Variants in DHTKD1 observed in about 807,000 individuals in gnomAD.
The protein encoded by DHTKD1 is 2-oxoadipate dehydrogenase complex component E1.
A neutral mutation model predicts 101.8 loss-of-function variants in DHTKD1; 78 were observed. The observed-to-expected ratio is 0.77, with a 90% CI of 0.64 to 0.93. The LOEUF (loss-of-function observed/expected upper bound fraction) is 0.93. Among genes scored for constraint, DHTKD1 ranks in the 40% least tolerant of loss-of-function variants. The pLI is 0.00. For missense variants in DHTKD1, 1,223 were observed against 1,161.7 expected, an observed-to-expected ratio of 1.05 and a Z score of -0.77; for synonymous variants, 462 against 450.3, an observed-to-expected ratio of 1.03 and a Z score of -0.33.
chr10:12,080,726 AAAG>A (rs1422738885), intron 1 of DHTKD1, among the ~76,000 whole-genome samples: 1 of 151,820 alleles, frequency 6.6e-6, no homozygotes, highest in African/African-American at 2.4e-5. Flanking sequence ...AAAAAAAAGA[AAAG>A]AAGAAAAAGA....
intron 1 of DHTKD1, among the ~76,000 whole-genome samples, chr10:12,071,780 G>A (rs1382749483): frequency 1.3e-5 from 2 of 152,068 alleles, no homozygotes; most frequent in East Asian, 3.9e-4. Flanking sequence ...TGCTTGCCTC[G>A]GCCCCCTAAA....
At position 12,103,518 on chromosome 10, in the gene DHTKD1, TGTGTG is replaced by T; in HGVS notation, c.1896+2338_1896+2342del. The stretch of plus-strand genomic sequence containing the variant: ...GTGTGTGTGTGTGTGTGTGTGTGTG[TGTGTG>T]TGTGTATGTATGTGACAGGTCCTCC... On this transcript the variant is annotated intron_variant, in intron 10 of 16. Transcript: ENST00000263035. The surrounding 1 kb of genome is among the most constrained non-coding windows in gnomAD (Gnocchi z 4.8). Among the ~76,000 whole-genome samples, 1 of 151,830 alleles carries T rather than the reference TGTGTG, an allele frequency of 6.6e-6. No homozygotes were observed. Among genetic ancestry groups the T allele is most frequent in the South Asian group, 2.1e-4 (1 of 4,798 alleles).
At position 12,100,202 on chromosome 10, in the gene DHTKD1, G is replaced by A. The variant is rs761966951; in HGVS notation, c.1696G>A (p.Gly566Arg). 7 of 1,595,502 alleles carry A rather than the reference G, an allele frequency of 4.4e-6. No individual in the cohort carries two copies. Among genetic ancestry groups the A allele is most frequent in the African/African-American group, 4.1e-5 (3 of 73,944 alleles). ...GTCCAGAATGGAGAAGATGATGGAC[G>A]GAATCAAGCTAGACTGGGCCACCGC... The part of the protein sequence containing the change: ...VQSRMEKMMD[G>R]IKLDWATAEA... Residue 566 changes from glycine to arginine, a missense_variant, in exon 9 of 17, where the codon GGA becomes AGA. Gly to Arg is a moderately radical substitution (Grantham distance 125, BLOSUM62 -2). Coordinates refer to ENST00000263035, the MANE Select transcript of DHTKD1 (RefSeq NM_018706.7).
At position 12,101,098 on chromosome 10, in the gene DHTKD1, C is replaced by G. The variant is rs201356317; in HGVS notation, c.1813C>G (p.His605Asp). 1 of 1,614,052 alleles carries G rather than the reference C, an allele frequency of 6.2e-7. No homozygotes were observed. Among genetic ancestry groups the G allele is most frequent in the East Asian group, 2.2e-5 (1 of 44,888 alleles). Residue 605 changes from histidine (H) to aspartate (D), a missense_variant, in exon 10 of 17, where the codon CAT (histidine) becomes GAT (aspartate). Transcript: ENST00000263035. ...TGGTCGTGGAACTTTCAGTCAGAGG[C>G]ATGCAATCGTGGTTTGCCAGGAGAC... is the stretch of plus-strand genomic sequence containing the variant. Reference protein sequence around the residue: ...DVGRGTFSQRHAIVVCQETDD... With the variant: ...DVGRGTFSQRDAIVVCQETDD...
At position 12,070,613 on chromosome 10, in the gene DHTKD1, C is replaced by T. The variant is rs144319946; in HGVS notation, c.154+1426C>T. Among the ~76,000 whole-genome samples, 250 of 152,222 alleles carry T rather than the reference C, an allele frequency of 1.6e-3. 2 individuals carry two copies. The highest frequency in any genetic ancestry group is 0.013 in the East Asian group (70 of 5,188). On this transcript the variant is annotated intron_variant, in intron 1 of 16. Coordinates refer to ENST00000263035, the MANE Select transcript of DHTKD1 (RefSeq NM_018706.7). ...AAGCGATTGTCCTGCCCCAGTGTTC[C>T]GAGTAGCTGGGATTACAGGCACCTG...
At chr10:12,102,081 T>C (rs920508327) in intron 10 of DHTKD1, among the ~76,000 whole-genome samples, 1 of 152,162 alleles carries the variant, frequency 6.6e-6, no homozygotes, top group Non-Finnish European at 1.5e-5. Flanking sequence ...TCTTTCCTAC[T>C]CTAGCCATTA....
At chr10:12,077,851 G>C (rs749834833) in intron 1 of DHTKD1, among the ~76,000 whole-genome samples, 1 of 151,880 alleles carries the variant, frequency 6.6e-6, no homozygotes, top group Non-Finnish European at 1.5e-5. Context: ...GAAACAGAGT[G>C]CCAGAGGTCT....
intron 1 of DHTKD1, among the ~76,000 whole-genome samples, chr10:12,079,978 A>G (rs982311548): frequency 6.6e-6 from 1 of 152,082 alleles, no homozygotes; most frequent in Non-Finnish European, 1.5e-5. Flanking sequence ...TAAACCTGCT[A>G]CAAGTAAAGA....
chr10:12,069,149 A>T lies in DHTKD1; in HGVS notation c.116A>T (p.Glu39Val). The T allele has an allele frequency of 4.5e-6, 7 of 1,572,670 alleles. No individual in the cohort carries two copies. The highest frequency in any genetic ancestry group is 6.0e-6 in the Non-Finnish European group (7 of 1,161,202). The stretch of plus-strand genomic sequence containing the variant: ...TACGGCTACCGGCCGAGGAAGCCCG[A>T]GAGCCGCGAGCCCCAGGGCGCCCTG... ...GVYGYRPRKPESREPQGALER... is the reference protein window; with the variant it reads ...GVYGYRPRKPVSREPQGALER... Residue 39 changes from glutamate (E) to valine (V), a missense_variant, in exon 1 of 17, where the codon GAG becomes GTG. By Grantham distance (121) the Glu-to-Val change is moderately radical. Transcript: ENST00000263035.
intron 2 of DHTKD1, among the ~76,000 whole-genome samples, chr10:12,084,220 C>A (rs1434592605): frequency 6.6e-6 from 1 of 151,988 alleles, no homozygotes; most frequent in Non-Finnish European, 1.5e-5. Context: ...CGGCACCCGG[C>A]CAATAATGAC....
At chr10:12,069,237 C>A in intron 1 of DHTKD1, 50 bp downstream of exon 1, 1 of 1,464,186 alleles carries the variant, frequency 6.8e-7, no homozygotes, top group Non-Finnish European at 9.0e-7. Context: ...ACGCAGAAGC[C>A]TCCCCTGGCC....
At chr10:12,082,570 G>A (rs562267820) in intron 2 of DHTKD1, among the ~76,000 whole-genome samples, 9 of 151,878 alleles carry the variant, frequency 5.9e-5, no homozygotes, top group African/African-American at 1.9e-4. Context: ...CTTAGGGTTC[G>A]GGGGGTTACC....
At chr10:12,069,336 G>C in intron 1 of DHTKD1, 149 bp downstream of exon 1, 1 of 713,962 alleles carries the variant, frequency 1.4e-6, no homozygotes, top group Admixed American at 3.0e-5. Flanking sequence ...GGGGAGCAGA[G>C]GGTAGGTGTG....
rs192311603 is a variant in DHTKD1, at chr10:12,113,075, G to A, written c.2319+11G>A. On this transcript the variant is annotated intron_variant, in intron 13 of 16. Transcript: ENST00000263035. ...TTACTCAGGCTCCCGGTAAGCAGAAGGTGGTGAATAAGCCTTCCTCCTTTT... is the reference window on the plus strand; with the variant it reads ...TTACTCAGGCTCCCGGTAAGCAGAAAGTGGTGAATAAGCCTTCCTCCTTTT... 1.9e-5 allele frequency: 30 copies of A among 1,592,488 alleles called. No individual in the cohort carries two copies. The highest frequency in any genetic ancestry group is 2.4e-5 in the Non-Finnish European group (28 of 1,169,182).
At chr10:12,102,422 C>CAAAAAAA (rs752816882) in intron 10 of DHTKD1, among the ~76,000 whole-genome samples, 1 of 64,822 alleles carries the variant, frequency 1.5e-5, no homozygotes, top group Non-Finnish European at 3.1e-5. Flanking sequence ...GACTCTGTCT[C>CAAAAAAA]AAAAAAAAAA....
intron 13 of DHTKD1, among the ~76,000 whole-genome samples, chr10:12,114,346 G>T (rs540516012): frequency 1.3e-5 from 2 of 151,424 alleles, no homozygotes; most frequent in Non-Finnish European, 2.9e-5. Context: ...ACCCAGGCTG[G>T]ATTGCAGTGG....
At chr10:12,078,815 C>T (rs932724258) in intron 1 of DHTKD1, among the ~76,000 whole-genome samples, 3 of 152,036 alleles carry the variant, frequency 2.0e-5, no homozygotes, top group East Asian at 1.9e-4. Flanking sequence ...CAGGCACGTG[C>T]GACCACACCC....
chr10:12,101,125 G>C lies in DHTKD1; in HGVS notation c.1840G>C (p.Asp614His). The change falls in exon 10 of 17, where the codon GAT becomes CAT. Residue 614 changes from aspartate to histidine, a missense_variant. By Grantham distance (81) the Asp-to-His change is moderately conservative. Transcript: ENST00000263035. ...RHAIVVCQET[D>H]DTYIPLNHMD... ...TGCAATCGTGGTTTGCCAGGAGACG[G>C]ATGACACCTACATCCCCCTGAACCA... is the stretch of plus-strand genomic sequence containing the variant. The C allele has an allele frequency of 6.2e-7, 1 of 1,614,124 alleles. No individual in the cohort carries two copies. Among genetic ancestry groups the C allele is most frequent in the Non-Finnish European group, 8.5e-7 (1 of 1,180,026 alleles).
chr10:12,117,216 G>C (rs1456474464), intron 13 of DHTKD1, among the ~76,000 whole-genome samples: 1 of 151,338 alleles, frequency 6.6e-6, no homozygotes, highest in African/African-American at 2.4e-5. Flanking sequence ...CACCATGTTG[G>C]CCAGGCTGGT....
Sources: allele counts gnomAD v4.1 joint callset (sites outside exome capture counted in the v4.1 genomes callset), GRCh38; gene constraint gnomAD v4.1.1; non-coding constraint Gnocchi (gnomAD v3.1); transcripts MANE v1.5; gene names NCBI Gene and HGNC (gene_info 2026-07-23, HGNC 2026-07-21).